The following PCDH15 variants were observed in gnomAD, a reference collection of about 807,000 sequenced individuals.
PCDH15 encodes the protein protocadherin-15.
Under a neutral mutation model 178.5 loss-of-function variants are expected in PCDH15, and 129 were observed. The ratio of observed to expected loss-of-function variants is 0.72; its 90% CI spans 0.63 to 0.84. The LOEUF is 0.84. PCDH15 is among the 40% of genes least tolerant of loss of function. The pLI, the probability that PCDH15 is intolerant of heterozygous loss-of-function variation, is 0.00. For synonymous variants in PCDH15, 800 were observed against 732.0 expected (o/e 1.09, Z -1.50); for missense variants, 2,230 against 2,099.9 (o/e 1.06, Z -1.21).
intron 15 of PCDH15, among the ~76,000 whole-genome samples, chr10:54,117,455 TCTCTC>T (rs1363827509): frequency 6.6e-6 from 1 of 152,078 alleles, no homozygotes; most frequent in Non-Finnish European, 1.5e-5. Context: ...CCACAGCTCT[TCTCTC>T]CTTCCTGTTG....
At chr10:55,160,995 AT>A (rs1839050396) in intron 2 of PCDH15, among the ~76,000 whole-genome samples, 1 of 151,938 alleles carries the variant, frequency 6.6e-6, no homozygotes, top group Non-Finnish European at 1.5e-5. Context: ...AATATCACAC[AT>A]TTTCTCATAT....
At position 53,934,175 on chromosome 10, in the gene PCDH15, A is replaced by G. The variant is rs1463248579; in HGVS notation, c.3373+4640T>C. Among the ~76,000 whole-genome samples the G allele has an allele frequency of 3.3e-5, 5 of 152,158 alleles. No individual in the cohort carries two copies. In the East Asian group the frequency reaches 9.6e-4, roughly 29 times the overall value. On this transcript the variant is annotated intron_variant, in intron 25 of 37. Coordinates refer to ENST00000644397, the MANE Select transcript of PCDH15 (RefSeq NM_001384140.1). Reference sequence around the variant, plus strand: ...ATGAAAAGATAAGAGAAGATTCAACACTTGTATACTAGGAATCTCCCAGTG... The same window carrying G: ...ATGAAAAGATAAGAGAAGATTCAACGCTTGTATACTAGGAATCTCCCAGTG...
Position 54,598,636 on chromosome 10 carries a change from A to G in PCDH15, c.91+65536T>C, listed in dbSNP as rs111828637. Among the ~76,000 whole-genome samples the G allele has an allele frequency of 9.9e-4, 151 of 152,300 alleles. 3 individuals carry two copies. Among genetic ancestry groups the G allele is most frequent in the African/African-American group, 3.5e-3 (144 of 41,578 alleles). ...GAAATTCTGACCAGAGCAATCAGGC[A>G]AGAGAAAGAAATAAAAGGCATCCAA... On this transcript the variant is annotated intron_variant, in intron 2 of 37. Coordinates refer to ENST00000644397, the MANE Select transcript of PCDH15 (RefSeq NM_001384140.1).
At chr10:54,023,248 T>C in intron 18 of PCDH15, 51 bp from the exon 19 acceptor site, 1 of 1,537,600 alleles carries the variant, frequency 6.5e-7, no homozygotes, top group African/African-American at 1.4e-5. Flanking sequence ...TTTGACGGGC[T>C]ACTGTAAATG....
chr10:55,135,574 CTTTTTTTTTTTTTT>C (rs56956557), intron 2 of PCDH15, among the ~76,000 whole-genome samples: 2 of 68,220 alleles, frequency 2.9e-5, no homozygotes, highest in African/African-American at 5.6e-5. Flanking sequence ...TCTTTTCTTT[CTTTTTTTTTTTTTT>C]TTTTTTTTTT....
chr10:53,821,035 G>A, intron 32 of PCDH15: 1 of 878,546 alleles, frequency 1.1e-6, no homozygotes, highest in Non-Finnish European at 1.4e-6. Context: ...TTAATAATAT[G>A]AACAAACAAA....
intron 2 of PCDH15, among the ~76,000 whole-genome samples, chr10:55,615,699 T>A (rs1272886386): frequency 6.6e-6 from 1 of 151,994 alleles, no homozygotes; most frequent in Non-Finnish European, 1.5e-5. Flanking sequence ...GGGATTCTGC[T>A]TCTACCAAAA....
At chr10:55,399,471 A>G (rs1421081738) in intron 2 of PCDH15, among the ~76,000 whole-genome samples, 1 of 152,250 alleles carries the variant, frequency 6.6e-6, no homozygotes, top group African/African-American at 2.4e-5. Context: ...TAACAAAAAC[A>G]CCAACAGTTT....
intron 8 of PCDH15, among the ~76,000 whole-genome samples, chr10:54,293,390 T>C (rs1564886103): frequency 6.6e-6 from 1 of 152,094 alleles, no homozygotes. Context: ...GCAATACCAT[T>C]CAGGACATAG....
intron 2 of PCDH15, among the ~76,000 whole-genome samples, chr10:55,136,484 A>G (rs1338888698): frequency 1.3e-5 from 2 of 152,104 alleles, no homozygotes; most frequent in Non-Finnish European, 2.9e-5. Flanking sequence ...TCCTTTCTAA[A>G]GGAAAAAAAA....
chr10:53,923,950 C>T (rs115996419), intron 25 of PCDH15, among the ~76,000 whole-genome samples: 1 of 152,036 alleles, frequency 6.6e-6, no homozygotes, highest in African/African-American at 2.4e-5. Flanking sequence ...GAGATGGGGC[C>T]TCAAGGGACA....
chr10:55,213,715 C>A (rs1840629499), intron 1 of PCDH15, among the ~76,000 whole-genome samples: 1 of 151,694 alleles, frequency 6.6e-6, no homozygotes, highest in Admixed American at 6.6e-5. Flanking sequence ...CAAAAACTTT[C>A]TCATTCTTCT....
intron 21 of PCDH15, among the ~76,000 whole-genome samples, chr10:53,981,883 A>G (rs1362573438): frequency 1.2e-3 from 181 of 150,392 alleles, no homozygotes; most frequent in Admixed American, 2.2e-3. Flanking sequence ...TGAACAGGCA[A>G]CCTACAAAAT....
intron 18 of PCDH15, among the ~76,000 whole-genome samples, chr10:54,023,892 A>G (rs2093004614): frequency 9.3e-6 from 1 of 107,956 alleles, no homozygotes; most frequent in Non-Finnish European, 1.9e-5. Flanking sequence ...TCATATATAA[A>G]AGTACTTAAC....
chr10:54,764,883 G>T (rs1044340690), intron 1 of PCDH15, among the ~76,000 whole-genome samples: 1 of 152,036 alleles, frequency 6.6e-6, no homozygotes, highest in Non-Finnish European at 1.5e-5. Flanking sequence ...AAGAATTTTT[G>T]TAAGTCTTGC....
chr10:53,816,454 T>C (rs1203506958), intron 34 of PCDH15, among the ~76,000 whole-genome samples, 177 bp from the exon 35 acceptor site: 1 of 152,216 alleles, frequency 6.6e-6, no homozygotes, highest in African/African-American at 2.4e-5. Flanking sequence ...ATTCTTTATA[T>C]TGGAACATAA....
chr10:54,376,614 T>G (rs911532128), intron 4 of PCDH15, among the ~76,000 whole-genome samples: 8 of 151,614 alleles, frequency 5.3e-5, no homozygotes, highest in African/African-American at 1.7e-4. Flanking sequence ...AAAAAATATC[T>G]TATTCTATAT....
intron 2 of PCDH15, among the ~76,000 whole-genome samples, chr10:54,922,721 C>T (rs947507498): frequency 2.6e-5 from 4 of 152,252 alleles, no homozygotes; most frequent in South Asian, 4.2e-4. Flanking sequence ...ACATCCAGGC[C>T]ACAATGATGT....
At chr10:55,191,629 A>G (rs1192138873) in intron 1 of PCDH15, among the ~76,000 whole-genome samples, 1 of 151,950 alleles carries the variant, frequency 6.6e-6, no homozygotes, top group Admixed American at 6.6e-5. Context: ...GTTTGCAACA[A>G]TAAAGATGAA....
Sources: gnomAD v4.1 joint callset for allele counts (sites outside exome capture counted in the v4.1 genomes callset) on GRCh38, gnomAD v4.1.1 for gene constraint, MANE v1.5 for transcripts, NCBI Gene and HGNC (gene_info 2026-07-23, HGNC 2026-07-21) for gene names.